PHIP: variants seen among roughly 807,000 people sequenced by gnomAD.
The protein encoded by PHIP is PH-interacting protein.
In PHIP, 54 loss-of-function variants were observed where a neutral mutation model predicts 236.8. That is an observed-to-expected ratio of 0.23 (90% CI 0.18 to 0.29). The LOEUF is 0.29. Among genes scored for constraint, PHIP ranks in the 10% least tolerant of loss-of-function variants. The pLI, the probability that PHIP is intolerant of heterozygous loss-of-function variation, is 1.00. For synonymous variants in PHIP, 756 were observed against 718.9 expected (o/e 1.05, Z -0.83); for missense variants, 1,370 against 2,190.8 (o/e 0.63, Z 7.48).
At chr6:79,074,126 C>G (rs1002163065) in intron 4 of PHIP, among the ~76,000 whole-genome samples, 1 of 152,024 alleles carries the variant, frequency 6.6e-6, no homozygotes, top group Non-Finnish European at 1.5e-5. Flanking sequence ...AATCCTTTCA[C>G]TTAAAACAAA....
chr6:79,030,420 C>T (rs1486854688), intron 7 of PHIP, among the ~76,000 whole-genome samples: 2 of 152,152 alleles, frequency 1.3e-5, no homozygotes, highest in East Asian at 3.8e-4. Context: ...CTGGGGATTG[C>T]TGCTCGGGCT....
intron 24 of PHIP, among the ~76,000 whole-genome samples, chr6:78,972,357 C>G (rs1262259822): frequency 1.3e-5 from 2 of 152,122 alleles, no homozygotes; most frequent in Non-Finnish European, 2.9e-5. Context: ...GAAAGGACAT[C>G]CACATCAAAA....
intron 6 of PHIP, among the ~76,000 whole-genome samples, chr6:79,044,683 G>A (rs915819129): frequency 1.3e-5 from 2 of 151,904 alleles, no homozygotes; most frequent in East Asian, 1.9e-4. Flanking sequence ...CCAAAATGTC[G>A]AATTTTAGGA....
intron 39 of PHIP, among the ~76,000 whole-genome samples, 163 bp from the exon 40 acceptor site, chr6:78,941,493 G>T (rs1245782787): frequency 3.9e-5 from 6 of 152,056 alleles, no homozygotes; most frequent in Admixed American, 2.0e-4. Context: ...ATAGTTCAAT[G>T]ATCTTATTTA....
intron 12 of PHIP, among the ~76,000 whole-genome samples, chr6:79,016,890 G>A (rs1770855338): frequency 6.6e-6 from 1 of 151,652 alleles, no homozygotes; most frequent in Non-Finnish European, 1.5e-5. Context: ...AAATAAAATC[G>A]ACATTTTCCA....
At chr6:79,073,756 A>G (rs1004014859) in intron 4 of PHIP, among the ~76,000 whole-genome samples, 1 of 152,152 alleles carries the variant, frequency 6.6e-6, no homozygotes, top group Non-Finnish European at 1.5e-5. Flanking sequence ...AAATCATGGT[A>G]ATTTTGGGGC....
intron 7 of PHIP, among the ~76,000 whole-genome samples, chr6:79,037,675 C>G (rs1021983363): frequency 2.0e-5 from 3 of 152,172 alleles, no homozygotes; most frequent in African/African-American, 7.2e-5. Flanking sequence ...GTCTGAAGTA[C>G]AAGAGATCAG....
chr6:79,003,895 T>C, intron 15 of PHIP, 37 bp from the exon 16 acceptor site: 1 of 1,450,772 alleles, frequency 6.9e-7, no homozygotes, highest in Non-Finnish European at 9.4e-7. Flanking sequence ...AAAACTACCA[T>C]TAAAATGAAA....
chr6:78,976,648 G>A (rs946519693), intron 24 of PHIP, among the ~76,000 whole-genome samples: 22 of 146,534 alleles, frequency 1.5e-4, no homozygotes, highest in Middle Eastern at 3.6e-3. Flanking sequence ...CTAATATCCA[G>A]AATCTACAAT....
At chr6:78,955,418 T>C in intron 33 of PHIP, 136 bp from the exon 34 acceptor site, 1 of 645,660 alleles carries the variant, frequency 1.5e-6, no homozygotes, top group Non-Finnish European at 2.5e-6. Context: ...ATTGACTCAT[T>C]AAAAAGGTTC....
chr6:79,047,285 CAT>C (rs1772547920), intron 6 of PHIP, among the ~76,000 whole-genome samples: 1 of 152,158 alleles, frequency 6.6e-6, no homozygotes, highest in African/African-American at 2.4e-5. Flanking sequence ...GGTTCTCATC[CAT>C]TACTTCTTTA....
At chr6:78,955,000 C>T (rs1283340053) in intron 34 of PHIP, 37 bp from the exon 35 acceptor site, 2 of 1,418,946 alleles carry the variant, frequency 1.4e-6, no homozygotes, top group East Asian at 2.4e-5. Context: ...AATAAAAGAG[C>T]ACTTACACAA....
chr6:78,958,416 G>A (rs967621682), intron 32 of PHIP, 59 bp downstream of exon 32: 12 of 1,064,866 alleles, frequency 1.1e-5, no homozygotes, highest in African/African-American at 1.6e-5. Flanking sequence ...ATTTTAAGAG[G>A]AACTGTAGTG....
chr6:78,974,843 T>C (rs907292339), intron 24 of PHIP, among the ~76,000 whole-genome samples: 1 of 150,982 alleles, frequency 6.6e-6, no homozygotes, highest in East Asian at 1.9e-4. Flanking sequence ...AATCTCTGAA[T>C]AGACCAATAA....
At chr6:78,941,518 GAGAC>G (rs981514712) in intron 39 of PHIP, among the ~76,000 whole-genome samples, 188 bp from the exon 40 acceptor site, 2 of 151,888 alleles carry the variant, frequency 1.3e-5, no homozygotes, top group Non-Finnish European at 2.9e-5. Context: ...CTAATTAAAA[GAGAC>G]AGATTCTTAA....
At chr6:78,988,526 G>A (rs1769012806) in intron 20 of PHIP, among the ~76,000 whole-genome samples, 177 bp from the exon 21 acceptor site, 1 of 152,144 alleles carries the variant, frequency 6.6e-6, no homozygotes, top group Non-Finnish European at 1.5e-5. Flanking sequence ...AGGGAGGGAT[G>A]ATTGCACCAC....
chr6:78,948,004 G>A (rs1320242038), intron 35 of PHIP, among the ~76,000 whole-genome samples: 1 of 151,720 alleles, frequency 6.6e-6, no homozygotes, highest in African/African-American at 2.4e-5. Flanking sequence ...GAACACAGAA[G>A]TTATTAATTT....
chr6:78,999,560 A>C (rs1285611002), intron 17 of PHIP, among the ~76,000 whole-genome samples: 1 of 152,008 alleles, frequency 6.6e-6, no homozygotes, highest in Non-Finnish European at 1.5e-5. Flanking sequence ...AAAAATATTC[A>C]CTCTTGCTGA....
chr6:79,020,712 C>T (rs979724331), intron 9 of PHIP, among the ~76,000 whole-genome samples: 10 of 152,178 alleles, frequency 6.6e-5, no homozygotes, highest in Admixed American at 3.9e-4. Flanking sequence ...ATGTTCGCTA[C>T]AACACTGTTC....
Sources: gnomAD v4.1 joint callset for allele counts (sites outside exome capture counted in the v4.1 genomes callset) on GRCh38, gnomAD v4.1.1 for gene constraint, MANE v1.5 for transcripts, NCBI Gene and HGNC (gene_info 2026-07-23, HGNC 2026-07-21) for gene names.